UBR4: variants seen among roughly 807,000 people sequenced by gnomAD.
UBR4 encodes ubiquitin protein ligase E3 component n-recognin 4.
A neutral mutation model predicts 575.6 loss-of-function variants in UBR4; 124 were observed. The ratio of observed to expected loss-of-function variants is 0.22; its 90% CI spans 0.19 to 0.25. The LOEUF (loss-of-function observed/expected upper bound fraction) is 0.25, where lower values mean the gene tolerates loss of function less well. UBR4 is among the 10% of genes least tolerant of loss of function. The probability of loss-of-function intolerance (pLI) is 1.00; values close to 1 mark genes in which losing one functional copy is unlikely to be tolerated. For missense variants in UBR4, 4,818 were observed against 6,478.8 expected (o/e 0.74, Z 8.80); for synonymous variants, 2,455 against 2,473.7 (o/e 0.99, Z 0.22).
Position 19,197,224 on chromosome 1 carries a change from G to T in UBR4, c.935C>A (p.Thr312Asn), listed in dbSNP as rs1228166617. ...LVIDVTMALD[T>N]LSLPVLEPLN... is the part of the protein sequence containing the mutation. ...AGGTTCCAACACAGGTAGAGAAAGG[G>T]TATCCAATGCCATAGTTACATCAAT... The change falls in exon 8 of 106, where the codon ACC (threonine) becomes AAC (asparagine). Residue 312 changes from threonine to asparagine, a missense_variant. Around this residue, in one of 29 missense-constraint regions of UBR4, gnomAD observed 131 missense variants for 214.5 expected, o/e 0.61. Transcript: ENST00000375254. The T allele has an allele frequency of 6.2e-7, 1 of 1,614,158 alleles. No homozygotes were observed. Among genetic ancestry groups the T allele is most frequent in the Non-Finnish European group, 8.5e-7 (1 of 1,180,014 alleles).
In UBR4 at chr1:19,088,056, G is replaced by A; in HGVS notation, c.14431-127C>T. On this transcript the variant is annotated intron_variant, in intron 98 of 105. Coordinates refer to ENST00000375254, the MANE Select transcript of UBR4 (RefSeq NM_020765.3). This position sits in a 1 kb window ranked among gnomAD's most constrained non-coding sequence, Gnocchi z 4.0. Reference sequence around the variant, plus strand: ...AAAAGGACAGGTGCATGAGAGGAAAGCCCTTGAGCTGTCTTCTAATAAGGA... The same window carrying A: ...AAAAGGACAGGTGCATGAGAGGAAAACCCTTGAGCTGTCTTCTAATAAGGA... The A allele has an allele frequency of 3.0e-6, 2 of 671,016 alleles. No individual in the cohort carries two copies. The highest frequency in any genetic ancestry group is 2.8e-5 in the East Asian group (1 of 35,156). The allele number at this position is 671,016 out of a possible 1,614,324, so 41.6% of individuals were successfully genotyped here.
At chr1:19,116,556 C>A (rs1322117637) in intron 73 of UBR4, among the ~76,000 whole-genome samples, 1 of 152,212 alleles carries the variant, frequency 6.6e-6, no homozygotes, top group East Asian at 1.9e-4. Context: ...TGCAGAACAG[C>A]TCTGTAAGTC....
rs747851935 is a variant in UBR4, at chr1:19,100,341, C to T, written c.13221+35G>A. ...GTTAGCCTAGGAGGAAGCCCCTAAT[C>T]GTAAACGTGGGCAGCACTGTCCTAT... On this transcript the variant is annotated intron_variant, in intron 89 of 105. Coordinates refer to ENST00000375254, the MANE Select transcript of UBR4 (RefSeq NM_020765.3). This position sits in a 1 kb window ranked among gnomAD's most constrained non-coding sequence, Gnocchi z 4.2. 1 of 1,611,434 alleles carries T rather than the reference C, an allele frequency of 6.2e-7. No homozygotes were observed. Among genetic ancestry groups the T allele is most frequent in the South Asian group, 1.1e-5 (1 of 90,962 alleles).
intron 33 of UBR4, 51 bp from the exon 34 acceptor site, chr1:19,163,878 G>C (rs370010518): frequency 1.4e-5 from 22 of 1,586,642 alleles, no homozygotes; most frequent in Non-Finnish European, 1.6e-5. Context: ...AATCATCGAA[G>C]AAACCAACGA....
At chr1:19,086,013 C>A in intron 101 of UBR4, 132 bp downstream of exon 101, 1 of 1,379,092 alleles carries the variant, frequency 7.3e-7, no homozygotes, top group East Asian at 2.5e-5. Flanking sequence ...CCCCAGTCAG[C>A]AAGCAGACAG....
At position 19,152,668 on chromosome 1, in the gene UBR4, T is replaced by C. The variant is rs533891888; in HGVS notation, c.6833-192A>G. 2.2e-4 allele frequency among the ~76,000 whole-genome samples: 34 copies of C among 152,358 alleles called. No individual in the cohort carries two copies. The highest frequency in any genetic ancestry group is 3.4e-3 in the Middle Eastern group (1 of 294). On this transcript the variant is annotated intron_variant, in intron 46 of 105. Coordinates refer to ENST00000375254, the MANE Select transcript of UBR4 (RefSeq NM_020765.3). The surrounding 1 kb of genome is among the most constrained non-coding windows in gnomAD (Gnocchi z 4.4). ...GGTTGTTATCCCTAACTATGACATGTCCTAGCAATACCAAGAAATCTGGCA... is the reference window on the plus strand; with the variant it reads ...GGTTGTTATCCCTAACTATGACATGCCCTAGCAATACCAAGAAATCTGGCA...
chr1:19,105,880 G>A, intron 83 of UBR4, 38 bp from the exon 84 acceptor site: 5 of 1,479,592 alleles, frequency 3.4e-6, no homozygotes, highest in Non-Finnish European at 4.5e-6. Context: ...TAGACTCAGA[G>A]GATGCCCTGC....
Position 19,088,867 on chromosome 1 carries a change from G to A in UBR4, c.14322C>T (p.His4774=). Residue 4774 remains histidine, a synonymous_variant, in exon 98 of 106, where the codon CAC becomes CAT. Transcript: ENST00000375254. This position sits in a 1 kb window ranked among gnomAD's most constrained non-coding sequence, Gnocchi z 4.0. The stretch of plus-strand genomic sequence containing the variant: ...CGTCAATCTTCTTGTTTACGTCAGG[G>A]TGTTCCCGCAGGGCTTCCAGCAGGT... ...AENLLEALRE[H]PDVNKKIDAA... 1 of 1,614,184 alleles carries A rather than the reference G, an allele frequency of 6.2e-7. No homozygotes were observed. The highest frequency in any genetic ancestry group is 1.7e-5 in the Admixed American group (1 of 60,026).
chr1:19,170,629 T>C (rs1180603786), intron 26 of UBR4, 133 bp downstream of exon 26: 2 of 1,221,520 alleles, frequency 1.6e-6, no homozygotes, highest in East Asian at 2.4e-5. Context: ...TAGACAAACC[T>C]ACCTAAATGC....
intron 86 of UBR4, 53 bp from the exon 87 acceptor site, chr1:19,104,310 C>A (rs2149138592): frequency 6.3e-7 from 1 of 1,588,822 alleles, no homozygotes; most frequent in Non-Finnish European, 8.6e-7. Context: ...AACATAAGGA[C>A]AGTCTGTGTC....
At chr1:19,092,452 T>C (rs2077617770) in intron 97 of UBR4, among the ~76,000 whole-genome samples, 1 of 151,116 alleles carries the variant, frequency 6.6e-6, no homozygotes. Flanking sequence ...GTGGAATGGG[T>C]GGGACTCCCT....
intron 11 of UBR4, among the ~76,000 whole-genome samples, chr1:19,189,856 C>G (rs1337776470): frequency 6.6e-6 from 1 of 152,184 alleles, no homozygotes; most frequent in Non-Finnish European, 1.5e-5. Flanking sequence ...ACTCTTACCT[C>G]CTTACTTCGC....
rs79306979 is a variant in UBR4 at position 19,184,224 on chromosome 1, C to T, written c.1939-49G>A. ...GCTCTTATCAGGGTCATAAGCCCAG[C>T]GTTCCTATAAACTCTGATTACAAAT... On this transcript the variant is annotated intron_variant, in intron 15 of 105. Transcript: ENST00000375254. The T allele has an allele frequency of 3.5e-3, 5,460 of 1,580,686 alleles. 184 individuals are homozygous for T. In the African/African-American group the frequency reaches 0.066, roughly 19 times the overall value.
In UBR4 at chr1:19,152,084, T is replaced by G. The variant is rs1328079286; in HGVS notation, c.6997-225A>C. On this transcript the variant is annotated intron_variant, in intron 47 of 105. Transcript: ENST00000375254. The surrounding 1 kb of genome is among the most constrained non-coding windows in gnomAD (Gnocchi z 4.4). Reference sequence around the variant, plus strand: ...TCCCCAGTATTAACCACCTCTTTGATGTCCTCTACACAGTAATCCTGCTGG... The same window carrying G: ...TCCCCAGTATTAACCACCTCTTTGAGGTCCTCTACACAGTAATCCTGCTGG... Among the ~76,000 whole-genome samples the G allele has an allele frequency of 6.6e-6, 1 of 152,210 alleles. No individual in the cohort carries two copies. The highest frequency in any genetic ancestry group is 1.5e-5 in the Non-Finnish European group (1 of 68,042).
chr1:19,099,545 CA>C, intron 90 of UBR4, 51 bp downstream of exon 90: 2 of 1,531,522 alleles, frequency 1.3e-6, no homozygotes, highest in Non-Finnish European at 1.8e-6. Context: ...TACAAGTCTG[CA>C]TAAGTCAGAA....
rs752963989 is a variant in UBR4, at chr1:19,122,934, C to T, written c.9715G>A (p.Gly3239Arg). 6.2e-7 allele frequency: 1 copy of T among 1,614,212 alleles called. No homozygotes were observed. The highest frequency in any genetic ancestry group is 8.5e-7 in the Non-Finnish European group (1 of 1,180,040). The change falls in exon 66 of 106, where the codon GGG becomes AGG. Residue 3239 changes from glycine (G) to arginine (R), a missense_variant. By Grantham distance (125) the Gly-to-Arg change is moderately radical. Coordinates refer to ENST00000375254, the MANE Select transcript of UBR4 (RefSeq NM_020765.3). Reference protein sequence around the residue: ...DLHTLDSHVRGIKKLLEEQGI... With the variant: ...DLHTLDSHVRRIKKLLEEQGI... ...TGCTCTTCTAGCAGCTTCTTGATCC[C>T]ACGCACGTGAGAGTCCAGGGTGTGC...
rs1007643179 is a variant in UBR4 at position 19,074,575 on chromosome 1, C to A, written c.*257G>T. On this transcript the variant is annotated 3_prime_UTR_variant, in exon 106 of 106. Coordinates refer to ENST00000375254, the MANE Select transcript of UBR4 (RefSeq NM_020765.3). Reference sequence around the variant, plus strand: ...GTGCACACTCAAGTATGAAGCTGGCCGGGACAACTCATGGCTCCTAGGTAT... The same window carrying A: ...GTGCACACTCAAGTATGAAGCTGGCAGGGACAACTCATGGCTCCTAGGTAT... 5.8e-5 allele frequency: 31 copies of A among 532,414 alleles called. No individual in the cohort carries two copies. Among genetic ancestry groups the A allele is most frequent in the African/African-American group, 5.7e-4 (30 of 52,726 alleles). 33.0% of individuals were successfully genotyped at this position (532,414 alleles called of 1,614,324 possible). A position where few individuals can be genotyped will look rare whatever the true frequency, so the allele number is the denominator to read the frequency against.
Position 19,172,828 on chromosome 1 carries a change from G to A in UBR4, c.3521+36C>T, listed in dbSNP as rs766558655. The A allele has an allele frequency of 2.5e-5, 40 of 1,588,794 alleles. 1 individual carries two copies. Among genetic ancestry groups the A allele is most frequent in the Middle Eastern group, 1.7e-4 (1 of 5,972 alleles). On this transcript the variant is annotated intron_variant, in intron 25 of 105. Transcript: ENST00000375254. ...ATGCGGGATCTGCACGGAGTGAAGA[G>A]TGCATGTGCATCTCTGGGCAGGCAG...
intron 83 of UBR4, among the ~76,000 whole-genome samples, 159 bp downstream of exon 83, chr1:19,106,410 A>C (rs1282193321): frequency 6.6e-6 from 1 of 152,192 alleles, no homozygotes; most frequent in African/African-American, 2.4e-5. Flanking sequence ...CAACAGCTAC[A>C]ACCAAGAACC....
Sources: allele counts gnomAD v4.1 joint callset (sites outside exome capture counted in the v4.1 genomes callset), GRCh38; gene constraint gnomAD v4.1.1; regional missense constraint gnomAD v4.1.1; non-coding constraint Gnocchi (gnomAD v3.1); transcripts MANE v1.5; gene names NCBI Gene and HGNC (gene_info 2026-07-23, HGNC 2026-07-21).